PALS2: variants seen among roughly 807,000 people sequenced by gnomAD.
The protein encoded by PALS2 is protein associated with LIN7 2, MAGUK p55 family member, also known as protein PALS2.
A neutral mutation model predicts 61.6 loss-of-function variants in PALS2; 27 were observed. The ratio of observed to expected loss-of-function variants is 0.44; its 90% CI spans 0.32 to 0.60. PALS2 has a LOEUF of 0.60. PALS2 is among the 20% of genes least tolerant of loss of function. The pLI, the probability that PALS2 is intolerant of heterozygous loss-of-function variation, is 0.05. For missense variants in PALS2, 554 were observed against 639.4 expected (o/e 0.87, Z 1.44); for synonymous variants, 236 against 218.6 (o/e 1.08, Z -0.70).
At chr7:24,679,437 G>GTCACCTTTCCACCCT in intron 10 of PALS2, 104 bp downstream of exon 10, 1 of 1,134,058 alleles carries the variant, frequency 8.8e-7, no homozygotes, top group Non-Finnish European at 1.3e-6. Context: ...TTGTCAGGGT[G>GTCACCTTTCCACCCT]GAAAGGTGAC....
intron 5 of PALS2, among the ~76,000 whole-genome samples, chr7:24,661,238 A>AT (rs922295941): frequency 2.0e-5 from 3 of 151,956 alleles, no homozygotes; most frequent in Admixed American, 6.6e-5. Context: ...GGTTGGGTTG[A>AT]TTTTTCAGAC....
In PALS2 at chr7:24,650,711, A is replaced by G; in HGVS notation, c.650A>G (p.Gln217Arg). ...PSYRDTITPQ[Q>R]VFVKCHFDYN... ...TATAGAGATACCATTACTCCTCAACAGGTTAGTAATAAAATTTTTGGTAGT... is the reference window on the plus strand; with the variant it reads ...TATAGAGATACCATTACTCCTCAACGGGTTAGTAATAAAATTTTTGGTAGT... The change falls in exon 5 of 12, where the codon CAG becomes CGG. Residue 217 changes from glutamine to arginine, a missense_variant and splice_region_variant. Gln to Arg is a conservative substitution (Grantham distance 43). Coordinates refer to ENST00000222644, the MANE Select transcript of PALS2 (RefSeq NM_001303037.2). 1.3e-6 allele frequency: 2 copies of G among 1,524,104 alleles called. No individual in the cohort carries two copies. Among genetic ancestry groups the G allele is most frequent in the Non-Finnish European group, 1.8e-6 (2 of 1,124,840 alleles). 94.4% of individuals were successfully genotyped at this position (1,524,104 alleles called of 1,614,324 possible).
chr7:24,661,981 C>G (rs1786743821), intron 5 of PALS2, among the ~76,000 whole-genome samples: 1 of 152,042 alleles, frequency 6.6e-6, no homozygotes, highest in Non-Finnish European at 1.5e-5. Flanking sequence ...TTGGTTTTTT[C>G]CCGTTGTCAA....
rs1424697238 is a variant in PALS2 at position 24,690,609 on chromosome 7, T to A, written c.*2995T>A. 6.6e-6 allele frequency: 1 copy of A among 152,214 alleles called. No individual in the cohort carries two copies. 9.4% of individuals were successfully genotyped at this position (152,214 alleles called of 1,614,324 possible). A position where few individuals can be genotyped will look rare whatever the true frequency, so the allele number is the denominator to read the frequency against. ...TACCCATAGAGGTGATGTGCCTGGA[T>A]AAGTCATTTAACCATAGCTTAGTGA... On this transcript the variant is annotated 3_prime_UTR_variant, in exon 12 of 12. Transcript: ENST00000222644.
At chr7:24,683,053 G>C (rs1255101524) in intron 11 of PALS2, among the ~76,000 whole-genome samples, 3 of 152,050 alleles carry the variant, frequency 2.0e-5, no homozygotes, top group Non-Finnish European at 2.9e-5. Flanking sequence ...TTAATCAGTG[G>C]GGTCAGAAGT....
chr7:24,622,848 G>A (rs1299006967), intron 1 of PALS2, among the ~76,000 whole-genome samples: 1 of 151,684 alleles, frequency 6.6e-6, no homozygotes, highest in Non-Finnish European at 1.5e-5. Context: ...TCAGAGAGAA[G>A]AATTTCCCTT....
At chr7:24,574,117 G>T (rs1383208705) in intron 1 of PALS2, 2 of 152,280 alleles carry the variant, frequency 1.3e-5, no homozygotes, top group African/African-American at 4.8e-5. Context: ...GCCGGCTCCC[G>T]GTTCTCTCCC....
chr7:24,688,533 C>G lies in PALS2; in HGVS notation c.*919C>G, dbSNP rs984550951. 1.2e-4 allele frequency: 18 copies of G among 152,068 alleles called. No individual in the cohort carries two copies. Among genetic ancestry groups the G allele is most frequent in the African/African-American group, 2.4e-4 (10 of 41,428 alleles). The allele number at this position is 152,068 out of a possible 1,614,324, so 9.4% of individuals were successfully genotyped here. A position where few individuals can be genotyped will look rare whatever the true frequency, so the allele number is the denominator to read the frequency against. ...GAACATGGTCAGCAAATGTATCATG[C>G]CTCTGCAAATTTTAGTGATGTTTAG... On this transcript the variant is annotated 3_prime_UTR_variant, in exon 12 of 12. Transcript: ENST00000222644.
intron 1 of PALS2, among the ~76,000 whole-genome samples, chr7:24,582,813 A>T (rs1398582610): frequency 1.3e-5 from 2 of 151,636 alleles, no homozygotes; most frequent in Admixed American, 1.3e-4. Context: ...GCTTTGATAT[A>T]AGAAACTCAG....
At chr7:24,620,459 G>A (rs1784452546) in intron 1 of PALS2, among the ~76,000 whole-genome samples, 1 of 152,106 alleles carries the variant, frequency 6.6e-6, no homozygotes, top group South Asian at 2.1e-4. Flanking sequence ...ATGTTGTCAA[G>A]TTTATCCATT....
rs377297031 is a variant in PALS2 at position 24,687,620 on chromosome 7, C to T, written c.*6C>T. ...CAATCAGCTGGGTTTACTGATGATTCAGTAAGGTTAACAATGAAAATTAAA... is the reference window on the plus strand; with the variant it reads ...CAATCAGCTGGGTTTACTGATGATTTAGTAAGGTTAACAATGAAAATTAAA... On this transcript the variant is annotated 3_prime_UTR_variant, in exon 12 of 12. Coordinates refer to ENST00000222644, the MANE Select transcript of PALS2 (RefSeq NM_001303037.2). This position sits in a 1 kb window ranked among gnomAD's most constrained non-coding sequence, Gnocchi z 4.5. 1.4e-5 allele frequency: 22 copies of T among 1,592,252 alleles called. No individual in the cohort carries two copies. Among genetic ancestry groups the T allele is most frequent in the Non-Finnish European group, 1.7e-5 (20 of 1,173,556 alleles).
At chr7:24,683,522 CT>C (rs749237062) in intron 11 of PALS2, among the ~76,000 whole-genome samples, 146 of 143,580 alleles carry the variant, frequency 1.0e-3, no homozygotes, top group Middle Eastern at 3.7e-3. Context: ...CCCTTGAGAC[CT>C]TTTTTTTTTT....
At chr7:24,638,260 A>C (rs1461059089) in intron 2 of PALS2, among the ~76,000 whole-genome samples, 1 of 150,688 alleles carries the variant, frequency 6.6e-6, no homozygotes, top group Non-Finnish European at 1.5e-5. Flanking sequence ...TTTCCATGTT[A>C]ATATATTTAT....
intron 1 of PALS2, among the ~76,000 whole-genome samples, chr7:24,603,217 C>T (rs943827875): frequency 6.6e-6 from 1 of 152,142 alleles, no homozygotes; most frequent in Admixed American, 6.6e-5. Context: ...TCATAGCAGC[C>T]TGAATTAACT....
chr7:24,666,339 G>T (rs1446387311), intron 8 of PALS2, among the ~76,000 whole-genome samples: 1 of 152,086 alleles, frequency 6.6e-6, no homozygotes, highest in East Asian at 1.9e-4. Context: ...ATTTTTGTTT[G>T]TCTTAATCAA....
At position 24,692,707 on chromosome 7, in the gene PALS2, A is replaced by G. The variant is rs143381908; in HGVS notation, c.*5093A>G. 2.6e-5 allele frequency: 4 copies of G among 152,288 alleles called. No individual in the cohort carries two copies. The highest frequency in any genetic ancestry group is 2.0e-4 in the Admixed American group (3 of 15,292). 9.4% of individuals were successfully genotyped at this position (152,288 alleles called of 1,614,324 possible). ...AACCCTTAGCAAATCCTTGCTGCCAACCAGACCACTCACAAATCAAACAAA... is the reference window on the plus strand; with the variant it reads ...AACCCTTAGCAAATCCTTGCTGCCAGCCAGACCACTCACAAATCAAACAAA... On this transcript the variant is annotated 3_prime_UTR_variant, in exon 12 of 12. Transcript: ENST00000222644.
intron 2 of PALS2, among the ~76,000 whole-genome samples, chr7:24,640,813 C>T (rs1785497876): frequency 2.0e-5 from 3 of 151,882 alleles, no homozygotes; most frequent in Admixed American, 2.0e-4. Context: ...TCAAGACCAT[C>T]CTGGCTAACA....
At chr7:24,676,944 T>C (rs1278636093) in intron 9 of PALS2, among the ~76,000 whole-genome samples, 3 of 151,098 alleles carry the variant, frequency 2.0e-5, no homozygotes, top group Non-Finnish European at 4.4e-5. Context: ...GGGATGGCAT[T>C]GAGTCTGTAA....
intron 5 of PALS2, among the ~76,000 whole-genome samples, 188 bp downstream of exon 5, chr7:24,650,900 A>G (rs1006860472): frequency 1.3e-5 from 2 of 152,192 alleles, no homozygotes; most frequent in Non-Finnish European, 2.9e-5. Context: ...TACTATTGTA[A>G]AGGAAATAGT....
Sources: gnomAD v4.1 joint callset for allele counts (sites outside exome capture counted in the v4.1 genomes callset) on GRCh38, gnomAD v4.1.1 for gene constraint, Gnocchi (gnomAD v3.1) non-coding constraint, MANE v1.5 for transcripts, NCBI Gene and HGNC (gene_info 2026-07-23, HGNC 2026-07-21) for gene names.